Variants in AQP9 observed in about 807,000 individuals in gnomAD.
AQP9 encodes the protein aquaporin 9, also known as aquaporin-9.
AQP9 carries 19 observed loss-of-function variants against 23.8 expected under a neutral mutation model. The observed-to-expected ratio is 0.80, with a 90% CI of 0.56 to 1.17. The LOEUF (loss-of-function observed/expected upper bound fraction) is 1.17. Among genes scored for constraint, AQP9 ranks in the 50% most tolerant of loss-of-function variants. The pLI is 0.00. For missense variants in AQP9, 413 were observed against 362.0 expected (o/e 1.14, Z -1.14); for synonymous variants, 153 against 131.5 (o/e 1.16, Z -1.12).
intron 1 of AQP9, chr15:58,155,501 T>A (rs1235165665): frequency 6.6e-6 from 1 of 152,176 alleles, no homozygotes; most frequent in Non-Finnish European, 1.5e-5. Context: ...ATTTTTTGCC[T>A]TCCATTTTAT....
chr15:58,179,754 A>C (rs1898841766), intron 5 of AQP9, among the ~76,000 whole-genome samples: 1 of 152,188 alleles, frequency 6.6e-6, no homozygotes, highest in Non-Finnish European at 1.5e-5. Flanking sequence ...CACGCAACCT[A>C]TGCTGCACTT....
intron 1 of AQP9, among the ~76,000 whole-genome samples, chr15:58,142,811 C>T (rs1261570491): frequency 6.6e-6 from 1 of 152,138 alleles, no homozygotes; most frequent in Non-Finnish European, 1.5e-5. Flanking sequence ...TTTTACAAAA[C>T]CATCCATCTC....
At chr15:58,160,138 GT>G (rs1211756497) in intron 1 of AQP9, among the ~76,000 whole-genome samples, 3 of 152,134 alleles carry the variant, frequency 2.0e-5, no homozygotes, top group African/African-American at 7.2e-5. Flanking sequence ...GCGTATAAAT[GT>G]TCCTCTTTCT....
intron 2 of AQP9, among the ~76,000 whole-genome samples, chr15:58,169,657 GA>G (rs1400793354): frequency 6.6e-6 from 1 of 152,172 alleles, no homozygotes; most frequent in Non-Finnish European, 1.5e-5. Flanking sequence ...ACCGACTAGT[GA>G]GGTCAGCAGA....
chr15:58,175,959 A>T (rs1898744688), intron 4 of AQP9, among the ~76,000 whole-genome samples: 1 of 152,192 alleles, frequency 6.6e-6, no homozygotes, highest in Non-Finnish European at 1.5e-5. Flanking sequence ...AGTAAATGTG[A>T]GTTGTAAAGA....
At chr15:58,169,713 T>C (rs1448094364) in intron 2 of AQP9, among the ~76,000 whole-genome samples, 10 of 152,202 alleles carry the variant, frequency 6.6e-5, no homozygotes, top group African/African-American at 9.7e-5. Flanking sequence ...GTAAAGAAGT[T>C]ACAGCATCCT....
At chr15:58,141,175 T>A (rs576969107) in intron 1 of AQP9, among the ~76,000 whole-genome samples, 1 of 152,286 alleles carries the variant, frequency 6.6e-6, no homozygotes, top group Admixed American at 6.5e-5. Context: ...CTTCAGAGAA[T>A]CTCTAGTCAT....
chr15:58,147,542 T>C (rs922193901), intron 1 of AQP9, among the ~76,000 whole-genome samples: 1 of 152,244 alleles, frequency 6.6e-6, no homozygotes, highest in African/African-American at 2.4e-5. Context: ...GTGCCGGCCC[T>C]GCCCCTTGCC....
At chr15:58,181,732 G>C (rs1470259345) in intron 5 of AQP9, among the ~76,000 whole-genome samples, 1 of 152,074 alleles carries the variant, frequency 6.6e-6, no homozygotes, top group Non-Finnish European at 1.5e-5. Context: ...GCAGAAGTTT[G>C]GCAGGTTTAG....
chr15:58,154,732 C>T (rs1167575906), intron 1 of AQP9, among the ~76,000 whole-genome samples: 1 of 151,996 alleles, frequency 6.6e-6, no homozygotes, highest in African/African-American at 2.4e-5. Flanking sequence ...GACTATTAAC[C>T]CCACGAAAGT....
chr15:58,150,301 C>A (rs1898124713), intron 1 of AQP9: 1 of 152,668 alleles, frequency 6.6e-6, no homozygotes, highest in African/African-American at 2.4e-5. Flanking sequence ...GCATATACTT[C>A]ACCCTCCTAC....
intron 1 of AQP9, among the ~76,000 whole-genome samples, chr15:58,142,729 G>A (rs747982469): frequency 7.2e-5 from 11 of 152,216 alleles, no homozygotes; most frequent in Non-Finnish European, 1.5e-4. Context: ...TAACTTCTCT[G>A]TCTTGCTTTC....
At chr15:58,170,412 T>A (rs1898594254) in intron 2 of AQP9, among the ~76,000 whole-genome samples, 1 of 151,504 alleles carries the variant, frequency 6.6e-6, no homozygotes. Context: ...TCTTCAACTT[T>A]CTTTTTTTTT....
chr15:58,171,169 C>T (rs1314928458), intron 2 of AQP9, among the ~76,000 whole-genome samples: 1 of 151,650 alleles, frequency 6.6e-6, no homozygotes, highest in Non-Finnish European at 1.5e-5. Context: ...CTCACTGCAA[C>T]CTCCGCCTCC....
At chr15:58,172,745 T>G (rs1178789412) in intron 2 of AQP9, among the ~76,000 whole-genome samples, 1 of 152,162 alleles carries the variant, frequency 6.6e-6, no homozygotes, top group East Asian at 1.9e-4. Flanking sequence ...CTGTTTGGGG[T>G]GACTGCTTTA....
chr15:58,161,375 A>G (rs1201328127), intron 1 of AQP9, among the ~76,000 whole-genome samples: 3 of 152,110 alleles, frequency 2.0e-5, no homozygotes, highest in East Asian at 1.9e-4. Context: ...TCCTTCTTCC[A>G]TGTATGGAAC....
At chr15:58,140,716 G>A (rs1226460693) in intron 1 of AQP9, among the ~76,000 whole-genome samples, 1 of 152,176 alleles carries the variant, frequency 6.6e-6, no homozygotes, top group Admixed American at 6.5e-5. Context: ...GGGGAACATC[G>A]AAAAGATGGC....
chr15:58,173,059 C>T lies in AQP9; in HGVS notation c.239-9C>T. 1 of 1,613,860 alleles carries T rather than the reference C, an allele frequency of 6.2e-7. No homozygotes were observed. The highest frequency in any genetic ancestry group is 1.1e-5 in the South Asian group (1 of 91,066). On this transcript the variant is annotated splice_polypyrimidine_tract_variant and intron_variant, in intron 2 of 5. Transcript: ENST00000219919. ...CCTGCCCTCTCACTTCTCCAATCTT[C>T]CCTTGCAGGTGGTCACATCAACCCA... is the stretch of plus-strand genomic sequence containing the variant.
chr15:58,174,251 C>T (rs1898689676), intron 3 of AQP9, among the ~76,000 whole-genome samples: 1 of 151,774 alleles, frequency 6.6e-6, no homozygotes, highest in Non-Finnish European at 1.5e-5. Flanking sequence ...CCATTGCACT[C>T]CAGCCTGGGC....
Sources: allele counts gnomAD v4.1 joint callset (sites outside exome capture counted in the v4.1 genomes callset), GRCh38; gene constraint gnomAD v4.1.1; transcripts MANE v1.5; gene names NCBI Gene and HGNC (gene_info 2026-07-23, HGNC 2026-07-21).